Variants in SLC5A4 observed in about 807,000 individuals in gnomAD.
The protein encoded by SLC5A4 is solute carrier family 5 member 4.
A neutral mutation model predicts 70.3 loss-of-function variants in SLC5A4; 55 were observed. The ratio of observed to expected loss-of-function variants is 0.78; its 90% confidence interval spans 0.63 to 0.98. The LOEUF (loss-of-function observed/expected upper bound fraction) is 0.98, where lower values mean the gene tolerates loss of function less well. Ranked by LOEUF, SLC5A4 falls within the 50% of genes least tolerant of loss-of-function variation. The pLI is 0.00. For synonymous variants in SLC5A4, 268 were observed against 305.7 expected (o/e 0.88, Z 1.29); for missense variants, 735 against 839.2 (o/e 0.88, Z 1.53).
chr22:32,307,620 C>G, the SLC5A4 span, among the ~76,000 whole-genome samples: 10 of 152,298 alleles, frequency 6.6e-5, no homozygotes, highest in East Asian at 1.9e-3. Flanking sequence ...AACATTTGAG[C>G]TTTTCGGGTC....
At chr22:32,302,580 A>G in the SLC5A4 span, among the ~76,000 whole-genome samples, 44 of 152,246 alleles carry the variant, frequency 2.9e-4, no homozygotes, top group Admixed American at 1.5e-3. Context: ...TGGAAAGCCT[A>G]TCTTTCCCTT....
In SLC5A4 at chr22:32,255,211, A is replaced by G; in HGVS notation, c.119T>C (p.Met40Thr). 1 of 1,613,862 alleles carries G rather than the reference A, an allele frequency of 6.2e-7. No individual in the cohort carries two copies. Among genetic ancestry groups the G allele is most frequent in the East Asian group, 2.2e-5 (1 of 44,870 alleles). The change falls in exon 1 of 15, where the codon ATG becomes ACG. Residue 40 changes from methionine to threonine, a missense_variant. Met to Thr is a moderately conservative substitution (Grantham distance 81). Coordinates refer to ENST00000266086, the MANE Select transcript of SLC5A4 (RefSeq NM_014227.3). ...SVIVIYFLVV[M>T]AVGLWAMLKT... is the part of the protein sequence containing the mutation. ...TCCACCTACCCACAGCCCAACAGCC[A>G]TCACCACCAGAAAATAGATGACAAT...
the SLC5A4 span, among the ~76,000 whole-genome samples, chr22:32,301,129 ATTTTT>A: frequency 2.6e-5 from 4 of 152,034 alleles, no homozygotes; most frequent in African/African-American, 9.7e-5. Context: ...CGCCCGGCTA[ATTTTT>A]GTATTTTTAG....
chr22:32,313,351 C>A, the SLC5A4 span, among the ~76,000 whole-genome samples: 1 of 152,168 alleles, frequency 6.6e-6, no homozygotes, highest in African/African-American at 2.4e-5. Context: ...CAAAAGTATT[C>A]TGATTTGGAT....
chr22:32,348,407 C>A, the SLC5A4 span, among the ~76,000 whole-genome samples: 169 of 152,314 alleles, frequency 1.1e-3, no homozygotes, highest in African/African-American at 3.9e-3. Context: ...GCCTTCTGTG[C>A]TGAGTCTGGT....
At chr22:32,307,047 T>G in the SLC5A4 span, among the ~76,000 whole-genome samples, 2 of 152,128 alleles carry the variant, frequency 1.3e-5, no homozygotes, top group Non-Finnish European at 2.9e-5. Context: ...TTAGGGTCAT[T>G]CAACAGGGTA....
chr22:32,299,718 G>A, the SLC5A4 span, among the ~76,000 whole-genome samples: 823 of 112,240 alleles, frequency 7.3e-3, 91 homozygotes, highest in Non-Finnish European at 0.011. Flanking sequence ...TCCTTTGGAG[G>A]AGGAGAGGCG....
At chr22:32,333,032 TGA>T in the SLC5A4 span, among the ~76,000 whole-genome samples, 4 of 152,306 alleles carry the variant, frequency 2.6e-5, no homozygotes, top group African/African-American at 7.2e-5. Context: ...GGTTTTAAGC[TGA>T]GAGATGGCTT....
rs139965574 is a variant in SLC5A4 at position 32,239,132 on chromosome 22, G to T, written c.478-42C>A. 1,063 of 1,432,014 alleles carry T rather than the reference G, an allele frequency of 7.4e-4. 7 individuals are homozygous for T. In the African/African-American group the frequency reaches 0.013, roughly 17 times the overall value. 88.7% of individuals were successfully genotyped at this position (1,432,014 alleles called of 1,614,324 possible). On this transcript the variant is annotated intron_variant, in intron 5 of 14. Transcript: ENST00000266086. Reference sequence around the variant, plus strand: ...CAGGATGAGAAAGAAACATGCATTTGAGGCCACTGGCTTCTCTGCCCCAAT... The same window carrying T: ...CAGGATGAGAAAGAAACATGCATTTTAGGCCACTGGCTTCTCTGCCCCAAT...
chr22:32,237,699 C>T (rs150464889), intron 6 of SLC5A4, among the ~76,000 whole-genome samples: 103 of 152,298 alleles, frequency 6.8e-4, no homozygotes, highest in Non-Finnish European at 1.2e-3. Flanking sequence ...CACTTTTGCT[C>T]TAGTGCTGGA....
intron 5 of SLC5A4, among the ~76,000 whole-genome samples, chr22:32,245,245 G>A (rs1037815884): frequency 1.3e-5 from 2 of 152,204 alleles, no homozygotes; most frequent in African/African-American, 4.8e-5. Flanking sequence ...TCATGTCTAA[G>A]GTTAATCATT....
At chr22:32,234,425 G>A (rs1018290732) in intron 8 of SLC5A4, among the ~76,000 whole-genome samples, 1 of 152,202 alleles carries the variant, frequency 6.6e-6, no homozygotes, top group Non-Finnish European at 1.5e-5. Context: ...TAAGCTGGGT[G>A]CGGTGGCTCA....
the SLC5A4 span, among the ~76,000 whole-genome samples, chr22:32,261,710 T>C: frequency 6.6e-6 from 1 of 152,268 alleles, no homozygotes; most frequent in Admixed American, 6.5e-5. Context: ...TGTTTGTTTT[T>C]TAATGTACAA....
the SLC5A4 span, among the ~76,000 whole-genome samples, chr22:32,304,499 G>A: frequency 1.3e-5 from 2 of 151,996 alleles, no homozygotes; most frequent in East Asian, 1.9e-4. Flanking sequence ...GGCTGATCTC[G>A]AACTTCTGGG....
At chr22:32,315,041 C>T in the SLC5A4 span, among the ~76,000 whole-genome samples, 1 of 152,192 alleles carries the variant, frequency 6.6e-6, no homozygotes, top group African/African-American at 2.4e-5. Flanking sequence ...TGAGAAGGTA[C>T]TTAATGCCCC....
At chr22:32,248,343 C>T (rs1926951468) in intron 4 of SLC5A4, among the ~76,000 whole-genome samples, 1 of 152,164 alleles carries the variant, frequency 6.6e-6, no homozygotes, top group Non-Finnish European at 1.5e-5. Context: ...TTTGTCTTAT[C>T]TGAGTTCCTC....
rs1434719115 is a variant in SLC5A4 at position 32,229,359 on chromosome 22, G to T, written c.1130-15C>A. On this transcript the variant is annotated splice_polypyrimidine_tract_variant and intron_variant, in intron 10 of 14. Transcript: ENST00000266086. ...GCCTCGCAGTCCTGGAGCCGGGAAA[G>T]GGTACAAGCACTGGTTAGTGGCTGG... The T allele has an allele frequency of 6.2e-7, 1 of 1,613,496 alleles. No individual in the cohort carries two copies.
chr22:32,350,102 C>T, the SLC5A4 span, among the ~76,000 whole-genome samples: 1 of 152,132 alleles, frequency 6.6e-6, no homozygotes, highest in Non-Finnish European at 1.5e-5. Context: ...AGAGGCTCCT[C>T]CTAAAATGGG....
chr22:32,307,432 T>G, the SLC5A4 span, among the ~76,000 whole-genome samples: 1 of 152,132 alleles, frequency 6.6e-6, no homozygotes, highest in Admixed American at 6.5e-5. Flanking sequence ...TAGGCACAAA[T>G]AGCCATTTCA....
Sources: gnomAD v4.1 joint callset for allele counts (sites outside exome capture counted in the v4.1 genomes callset) on GRCh38, gnomAD v4.1.1 for gene constraint, MANE v1.5 for transcripts, NCBI Gene and HGNC (gene_info 2026-07-23, HGNC 2026-07-21) for gene names.